PCDH9: variants seen among roughly 807,000 people sequenced by gnomAD.
PCDH9 encodes protocadherin-9.
In PCDH9, 24 loss-of-function variants were observed where a neutral mutation model predicts 70.6. The observed-to-expected ratio is 0.34, with a 90% CI of 0.25 to 0.48. The LOEUF (loss-of-function observed/expected upper bound fraction) is 0.48. PCDH9 is among the 20% of genes least tolerant of loss of function. The probability of loss-of-function intolerance (pLI) is 0.99; values close to 1 mark genes in which losing one functional copy is unlikely to be tolerated. For missense variants in PCDH9, 1,281 were observed against 1,503.6 expected (o/e 0.85, Z 2.45); for synonymous variants, 562 against 558.5 (o/e 1.01, Z -0.09).
chr13:67,127,772 T>C (rs944199020), intron 2 of PCDH9, among the ~76,000 whole-genome samples: 4 of 151,770 alleles, frequency 2.6e-5, no homozygotes, highest in Non-Finnish European at 5.9e-5. Context: ...CTTTTCTAAT[T>C]GCACTAGTGT....
At chr13:66,474,279 G>T (rs982405374) in intron 4 of PCDH9, among the ~76,000 whole-genome samples, 1 of 152,138 alleles carries the variant, frequency 6.6e-6, no homozygotes, top group Non-Finnish European at 1.5e-5. Flanking sequence ...CGATTAATAA[G>T]ATAGCTCTTA....
At chr13:66,742,462 G>T (rs1000431652) in intron 3 of PCDH9, among the ~76,000 whole-genome samples, 28 of 143,958 alleles carry the variant, frequency 1.9e-4, no homozygotes, top group African/African-American at 5.6e-4. Context: ...AACACCAAAA[G>T]CAATGGCAAC....
At chr13:66,964,324 C>A (rs2083397456) in intron 2 of PCDH9, among the ~76,000 whole-genome samples, 1 of 151,284 alleles carries the variant, frequency 6.6e-6, no homozygotes. Context: ...TAAAGACAGG[C>A]AAAACAAATC....
chr13:66,453,665 G>A (rs1228171210), intron 4 of PCDH9, among the ~76,000 whole-genome samples: 23 of 152,114 alleles, frequency 1.5e-4, no homozygotes, highest in Admixed American at 1.5e-3. Flanking sequence ...ATGCCATTTT[G>A]GGGGTTCACA....
intron 3 of PCDH9, among the ~76,000 whole-genome samples, chr13:66,688,358 GCTGT>G (rs2078435104): frequency 6.6e-6 from 1 of 152,100 alleles, no homozygotes; most frequent in South Asian, 2.1e-4. Context: ...TGCAGACTGA[GCTGT>G]CTCAGTATTC....
At chr13:66,708,142 C>G (rs977537747) in intron 3 of PCDH9, among the ~76,000 whole-genome samples, 1 of 151,186 alleles carries the variant, frequency 6.6e-6, no homozygotes, top group South Asian at 2.1e-4. Context: ...CTCCGCCTCC[C>G]GGGTTCACGC....
chr13:66,668,654 G>T (rs138343075), intron 3 of PCDH9, among the ~76,000 whole-genome samples: 2 of 152,146 alleles, frequency 1.3e-5, no homozygotes, highest in African/African-American at 4.8e-5. Context: ...AGTGGTGACC[G>T]AGAGAGCCCT....
At chr13:66,870,322 G>T (rs1478281929) in intron 3 of PCDH9, among the ~76,000 whole-genome samples, 5 of 152,064 alleles carry the variant, frequency 3.3e-5, no homozygotes, top group Non-Finnish European at 5.9e-5. Flanking sequence ...TTTGGTTACT[G>T]TAGCCTTGTA....
At chr13:67,056,826 T>C (rs2085429579) in intron 2 of PCDH9, among the ~76,000 whole-genome samples, 1 of 152,106 alleles carries the variant, frequency 6.6e-6, no homozygotes, top group South Asian at 2.1e-4. Context: ...CTGATCATCA[T>C]CATCATCTAC....
chr13:67,030,450 T>G (rs2084881744), intron 2 of PCDH9, among the ~76,000 whole-genome samples: 1 of 152,044 alleles, frequency 6.6e-6, no homozygotes, highest in East Asian at 1.9e-4. Flanking sequence ...CCTAACTGTA[T>G]GTTTGTACCC....
At chr13:67,069,654 C>T (rs2085720719) in intron 2 of PCDH9, among the ~76,000 whole-genome samples, 1 of 152,112 alleles carries the variant, frequency 6.6e-6, no homozygotes, top group Admixed American at 6.6e-5. Context: ...AATTGACCAT[C>T]TCCTTTCTTT....
chr13:66,448,970 TTCAA>T (rs1958150782), intron 4 of PCDH9, among the ~76,000 whole-genome samples: 1 of 152,150 alleles, frequency 6.6e-6, no homozygotes, highest in Non-Finnish European at 1.5e-5. Flanking sequence ...TCTTCTTAGT[TTCAA>T]TCAACACTTC....
intron 4 of PCDH9, among the ~76,000 whole-genome samples, chr13:66,367,862 G>A (rs1017348942): frequency 2.0e-5 from 3 of 152,174 alleles, no homozygotes; most frequent in Non-Finnish European, 4.4e-5. Flanking sequence ...ACTCTGTAAA[G>A]CTTATTAGAA....
intron 4 of PCDH9, among the ~76,000 whole-genome samples, chr13:66,560,387 T>C (rs896196452): frequency 6.6e-6 from 1 of 151,220 alleles, no homozygotes; most frequent in Admixed American, 6.6e-5. Flanking sequence ...GTGAAGTGGA[T>C]CCAGTGGCCC....
rs1236764024 is a variant in PCDH9, at chr13:67,230,089, G to A, written c.-445C>T. 1 of 152,280 alleles carries A rather than the reference G, an allele frequency of 6.6e-6. No homozygotes were observed. 9.4% of individuals were successfully genotyped at this position (152,280 alleles called of 1,614,324 possible). A position where few individuals can be genotyped will look rare whatever the true frequency, so the allele number is the denominator to read the frequency against. On this transcript the variant is annotated 5_prime_UTR_variant, in exon 1 of 5. Coordinates refer to ENST00000377865, the MANE Select transcript of PCDH9 (RefSeq NM_203487.3). ...CTTCAGCTCAGGGATATTTTCCACA[G>A]CAGCATGCATACCATTTCCATCCGA... is the stretch of plus-strand genomic sequence containing the variant.
chr13:66,722,703 C>T (rs1159375722), intron 3 of PCDH9, among the ~76,000 whole-genome samples: 1 of 152,110 alleles, frequency 6.6e-6, no homozygotes, highest in Non-Finnish European at 1.5e-5. Context: ...CGCGGTGGCT[C>T]ACGCCTGTAA....
intron 3 of PCDH9, among the ~76,000 whole-genome samples, chr13:66,659,102 T>A (rs2139011011): frequency 6.6e-6 from 1 of 152,228 alleles, no homozygotes; most frequent in Non-Finnish European, 1.5e-5. Flanking sequence ...AAGCCTAAAT[T>A]ATCACAGATG....
intron 2 of PCDH9, among the ~76,000 whole-genome samples, chr13:67,064,624 A>T (rs2085605479): frequency 6.6e-6 from 1 of 152,146 alleles, no homozygotes; most frequent in Non-Finnish European, 1.5e-5. Context: ...ATCATGGACA[A>T]AATCAATTTT....
At chr13:66,790,246 T>C (rs1269231585) in intron 3 of PCDH9, among the ~76,000 whole-genome samples, 1 of 152,134 alleles carries the variant, frequency 6.6e-6, no homozygotes, top group Non-Finnish European at 1.5e-5. Context: ...TTATGCTTTC[T>C]CCTCTGTAAA....
Sources: allele counts gnomAD v4.1 joint callset (sites outside exome capture counted in the v4.1 genomes callset), GRCh38; gene constraint gnomAD v4.1.1; transcripts MANE v1.5; gene names NCBI Gene and HGNC (gene_info 2026-07-23, HGNC 2026-07-21).